ST6GALNAC3: variants seen among roughly 807,000 people sequenced by gnomAD.
ST6GALNAC3 encodes alpha-N-acetylgalactosaminide alpha-2,6-sialyltransferase 3.
Under a neutral mutation model 32.7 loss-of-function variants are expected in ST6GALNAC3, and 25 were observed. The observed-to-expected ratio is 0.76, with a 90% confidence interval of 0.56 to 1.07. The LOEUF is 1.07. Ranked by LOEUF, ST6GALNAC3 falls within the 50% of genes least tolerant of loss-of-function variation. The pLI, the probability that ST6GALNAC3 is intolerant of heterozygous loss-of-function variation, is 0.00. For missense variants in ST6GALNAC3, 355 were observed against 382.4 expected, an observed-to-expected ratio of 0.93 and a Z score of 0.60; for synonymous variants, 129 against 133.1, an observed-to-expected ratio of 0.97 and a Z score of 0.21.
intron 1 of ST6GALNAC3, among the ~76,000 whole-genome samples, chr1:76,181,003 A>G (rs1282898226): frequency 2.0e-5 from 3 of 152,260 alleles, no homozygotes; most frequent in East Asian, 1.9e-4. Context: ...TGGCAAGGCT[A>G]AAAGAACACA....
rs1293400159 is a variant in ST6GALNAC3 at position 76,296,972 on chromosome 1, A to G, written c.19-16833A>G. On this transcript the variant is annotated intron_variant, in intron 1 of 4. Coordinates refer to ENST00000328299, the MANE Select transcript of ST6GALNAC3 (RefSeq NM_152996.4). ...ATTTTCTTGTCACAAAAGTATTACT[A>G]ATATTTTGTATTAAATGGTCATTGA... Among the ~76,000 whole-genome samples, 3 of 152,008 alleles carry G rather than the reference A, an allele frequency of 2.0e-5. No individual in the cohort carries two copies. The East Asian group carries it at 5.8e-4, about 29-fold the overall frequency.
intron 1 of ST6GALNAC3, among the ~76,000 whole-genome samples, chr1:76,276,793 C>T (rs1659158918): frequency 6.6e-6 from 1 of 152,120 alleles, no homozygotes; most frequent in Admixed American, 6.6e-5. Context: ...AATATAAGAA[C>T]TCCTGTTTTT....
chr1:76,479,403 T>C (rs1316926071), intron 3 of ST6GALNAC3, among the ~76,000 whole-genome samples: 1 of 152,190 alleles, frequency 6.6e-6, no homozygotes, highest in African/African-American at 2.4e-5. Flanking sequence ...AACAGAATAC[T>C]GACTGGGTAA....
At chr1:76,410,272 C>T (rs888184057) in intron 2 of ST6GALNAC3, among the ~76,000 whole-genome samples, 1 of 152,140 alleles carries the variant, frequency 6.6e-6, no homozygotes, top group Non-Finnish European at 1.5e-5. Flanking sequence ...CTATTCCTTT[C>T]CTGCCTCAGG....
At chr1:76,180,781 A>G (rs1653127609) in intron 1 of ST6GALNAC3, among the ~76,000 whole-genome samples, 1 of 152,068 alleles carries the variant, frequency 6.6e-6, no homozygotes, top group Non-Finnish European at 1.5e-5. Flanking sequence ...TTCCCATTCC[A>G]TCTCCTGTCT....
chr1:76,394,137 T>A (rs1179757219), intron 2 of ST6GALNAC3, among the ~76,000 whole-genome samples: 1 of 152,130 alleles, frequency 6.6e-6, no homozygotes, highest in African/African-American at 2.4e-5. Flanking sequence ...ATAAATGCGT[T>A]GCAGAAGTTA....
At chr1:76,390,487 T>G (rs1652448953) in intron 2 of ST6GALNAC3, among the ~76,000 whole-genome samples, 1 of 152,208 alleles carries the variant, frequency 6.6e-6, no homozygotes, top group Non-Finnish European at 1.5e-5. Flanking sequence ...ACAGTTTACC[T>G]TACTAAAATC....
At chr1:76,238,527 A>G (rs972562840) in intron 1 of ST6GALNAC3, among the ~76,000 whole-genome samples, 1 of 152,168 alleles carries the variant, frequency 6.6e-6, no homozygotes, top group African/African-American at 2.4e-5. Context: ...TCCGAGACAT[A>G]CTGTGTCCAG....
At chr1:76,322,597 T>C (rs1301493384) in intron 2 of ST6GALNAC3, among the ~76,000 whole-genome samples, 1 of 152,188 alleles carries the variant, frequency 6.6e-6, no homozygotes, top group Non-Finnish European at 1.5e-5. Context: ...TAAAAGGTAA[T>C]TTGTCACTAA....
At chr1:76,117,481 G>T (rs1170121895) in intron 1 of ST6GALNAC3, among the ~76,000 whole-genome samples, 1 of 152,234 alleles carries the variant, frequency 6.6e-6, no homozygotes, top group Non-Finnish European at 1.5e-5. Context: ...CTTTTAGAAG[G>T]TGATGCAAAC....
At position 76,179,213 on chromosome 1, in the gene ST6GALNAC3, CT is replaced by C. The variant is rs1251830788; in HGVS notation, c.18+104332del. On this transcript the variant is annotated intron_variant, in intron 1 of 4. Coordinates refer to ENST00000328299, the MANE Select transcript of ST6GALNAC3 (RefSeq NM_152996.4). ...AAATGAATTTCAATACTTGGTGTACCTTTGTGAAGTAGCACATTGATTTTGA... is the reference window on the plus strand; with the variant it reads ...AAATGAATTTCAATACTTGGTGTACCTTGTGAAGTAGCACATTGATTTTGA... Among the ~76,000 whole-genome samples the C allele has an allele frequency of 3.9e-5, 6 of 152,300 alleles. No individual in the cohort carries two copies. In the East Asian group the frequency reaches 1.2e-3, roughly 29 times the overall value.
chr1:76,363,108 C>T (rs1472679597), intron 2 of ST6GALNAC3, among the ~76,000 whole-genome samples: 1 of 152,194 alleles, frequency 6.6e-6, no homozygotes, highest in Admixed American at 6.5e-5. Context: ...GGACAGGCTG[C>T]AAATTTTCTA....
At chr1:76,581,108 A>T (rs569855588) in intron 3 of ST6GALNAC3, among the ~76,000 whole-genome samples, 1 of 152,092 alleles carries the variant, frequency 6.6e-6, no homozygotes, top group Non-Finnish European at 1.5e-5. Context: ...CTGAGATTTC[A>T]TGGAAATAGG....
intron 3 of ST6GALNAC3, among the ~76,000 whole-genome samples, chr1:76,416,988 A>T (rs1654687751): frequency 6.6e-6 from 1 of 152,104 alleles, no homozygotes; most frequent in African/African-American, 2.4e-5. Context: ...TAGAAGAAAT[A>T]TGTATATCAT....
At chr1:76,588,025 T>C (rs1646988574) in intron 3 of ST6GALNAC3, among the ~76,000 whole-genome samples, 1 of 152,142 alleles carries the variant, frequency 6.6e-6, no homozygotes, top group African/African-American at 2.4e-5. Context: ...ATGATGAACA[T>C]ACAGAGCACA....
At chr1:76,626,597 A>AT (rs1450178955) in intron 3 of ST6GALNAC3, among the ~76,000 whole-genome samples, 16 of 151,874 alleles carry the variant, frequency 1.1e-4, no homozygotes, top group African/African-American at 3.4e-4. Context: ...CATATTTGTG[A>AT]TTTTGTCCTT....
intron 3 of ST6GALNAC3, among the ~76,000 whole-genome samples, chr1:76,484,091 T>A (rs1659930320): frequency 6.6e-6 from 1 of 152,188 alleles, no homozygotes; most frequent in South Asian, 2.1e-4. Flanking sequence ...ATGTCTGTTT[T>A]GGTACCAGTA....
rs1239515493 is a variant in ST6GALNAC3 at position 76,634,362 on chromosome 1, A to T, written c.*5556A>T. On this transcript the variant is annotated 3_prime_UTR_variant, in exon 5 of 5. Transcript: ENST00000328299. Reference sequence around the variant, plus strand: ...TTTCCTTGTGTTTAGCTTTGTTGTCACTGTTACTGAGTAAATACCCATTTC... The same window carrying T: ...TTTCCTTGTGTTTAGCTTTGTTGTCTCTGTTACTGAGTAAATACCCATTTC... 4 of 164,042 alleles carry T rather than the reference A, an allele frequency of 2.4e-5. No individual in the cohort carries two copies. The highest frequency in any genetic ancestry group is 7.2e-5 in the African/African-American group (3 of 41,602). The allele number at this position is 164,042 out of a possible 1,614,324, so 10.2% of individuals were successfully genotyped here.
At chr1:76,524,095 A>T (rs1033213461) in intron 3 of ST6GALNAC3, among the ~76,000 whole-genome samples, 5 of 152,124 alleles carry the variant, frequency 3.3e-5, no homozygotes, top group African/African-American at 1.2e-4. Flanking sequence ...GTTTTGTTTT[A>T]AAAAAATCAA....
Sources: allele counts gnomAD v4.1 joint callset (sites outside exome capture counted in the v4.1 genomes callset), GRCh38; gene constraint gnomAD v4.1.1; transcripts MANE v1.5; gene names NCBI Gene and HGNC (gene_info 2026-07-23, HGNC 2026-07-21).